The following ASRGL1 variants were observed in gnomAD, a reference collection of about 807,000 sequenced individuals.
ASRGL1 encodes asparaginase and isoaspartyl peptidase 1.
In ASRGL1, 16 loss-of-function variants were observed where a neutral mutation model predicts 22.4. That is an observed-to-expected ratio of 0.71 (90% confidence interval 0.48 to 1.08). The LOEUF (loss-of-function observed/expected upper bound fraction) is 1.08. ASRGL1 is among the 50% of genes least tolerant of loss of function. The probability of loss-of-function intolerance (pLI) is 0.00; values close to 1 mark genes in which losing one functional copy is unlikely to be tolerated. For synonymous variants in ASRGL1, 165 were observed against 159.3 expected (o/e 1.04, Z -0.27); for missense variants, 412 against 410.1 (o/e 1.00, Z -0.04).
intron 4 of ASRGL1, among the ~76,000 whole-genome samples, chr11:62,361,340 C>T (rs1201892766): frequency 1.3e-5 from 2 of 151,764 alleles, no homozygotes; most frequent in East Asian, 3.9e-4. Context: ...TACAGGCATG[C>T]ACCATGCCTG....
At chr11:62,387,713 GT>G (rs1269358155) in intron 4 of ASRGL1, among the ~76,000 whole-genome samples, 1 of 152,054 alleles carries the variant, frequency 6.6e-6, no homozygotes, top group African/African-American at 2.4e-5. Context: ...TGGGTTTTTT[GT>G]TTTTTTGTTT....
intron 4 of ASRGL1, among the ~76,000 whole-genome samples, chr11:62,380,071 A>G (rs1386471659): frequency 2.0e-5 from 3 of 152,226 alleles, no homozygotes; most frequent in East Asian, 3.9e-4. Context: ...CAATTATAAC[A>G]TTTTCCCCCA....
intron 4 of ASRGL1, among the ~76,000 whole-genome samples, chr11:62,377,841 G>A (rs1280785985): frequency 6.6e-6 from 1 of 152,214 alleles, no homozygotes; most frequent in Non-Finnish European, 1.5e-5. Flanking sequence ...TAATTGTACT[G>A]TGAGGAAGGA....
At position 62,360,501 on chromosome 11, in the gene ASRGL1, C is replaced by G. The variant is rs982203203; in HGVS notation, c.491+3357C>G. On this transcript the variant is annotated intron_variant, in intron 4 of 6. Coordinates refer to ENST00000415229, the MANE Select transcript of ASRGL1 (RefSeq NM_001083926.2). ...AAAGAATGCTATAAAGTGGAGCTCA[C>G]AAAAGAAAAAATGAAAAAGAAAGTA... is the stretch of plus-strand genomic sequence containing the variant. Among the ~76,000 whole-genome samples, 6 of 151,588 alleles carry G rather than the reference C, an allele frequency of 4.0e-5. No homozygotes were observed. In the East Asian group the frequency reaches 9.6e-4, roughly 24 times the overall value.
intron 2 of ASRGL1, among the ~76,000 whole-genome samples, chr11:62,338,627 T>G (rs1222078659): frequency 2.0e-5 from 3 of 152,208 alleles, no homozygotes; most frequent in Middle Eastern, 3.4e-3. Context: ...TAAGGACTTG[T>G]GGCTGCAGAT....
intron 4 of ASRGL1, chr11:62,373,112 T>C (rs1184475264): frequency 2.0e-6 from 3 of 1,466,144 alleles, no homozygotes; most frequent in Non-Finnish European, 1.9e-6. Context: ...TAGCAAGAGA[T>C]GAAAGTGAAA....
At chr11:62,394,857 C>G (rs1401939948), downstream of ASRGL1, among the ~76,000 whole-genome samples, 1 of 152,118 alleles carries the variant, frequency 6.6e-6, no homozygotes, top group African/African-American at 2.4e-5. Flanking sequence ...CTCCACCAGC[C>G]TGGGAGTTCT....
chr11:62,373,298 T>A, intron 4 of ASRGL1: 2 of 635,212 alleles, frequency 3.1e-6, no homozygotes, highest in Non-Finnish European at 5.6e-6. Flanking sequence ...GCATTTTTAT[T>A]TAGACTCCCT....
intron 4 of ASRGL1, among the ~76,000 whole-genome samples, chr11:62,358,091 G>T (rs906595589): frequency 6.6e-6 from 1 of 152,198 alleles, no homozygotes; most frequent in African/African-American, 2.4e-5. Context: ...GGCCTTGGCC[G>T]GGTGCGGTGG....
chr11:62,343,925 T>TC (rs1945941583), intron 2 of ASRGL1, among the ~76,000 whole-genome samples: 1 of 146,522 alleles, frequency 6.8e-6, no homozygotes, highest in African/African-American at 2.5e-5. Flanking sequence ...TTTCTTTTTT[T>TC]TTTTTTTTTT....
At chr11:62,350,936 T>G (rs1946153912) in intron 2 of ASRGL1, among the ~76,000 whole-genome samples, 1 of 152,244 alleles carries the variant, frequency 6.6e-6, no homozygotes, top group Non-Finnish European at 1.5e-5. Context: ...TTGTTATTTT[T>G]GCTTTCTTTT....
Position 62,365,026 on chromosome 11 carries a change from G to A in ASRGL1, c.491+7882G>A, listed in dbSNP as rs1470927566. 4.7e-5 allele frequency among the ~76,000 whole-genome samples: 7 copies of A among 150,402 alleles called. 1 individual carries two copies. Among genetic ancestry groups the A allele is most frequent in the Admixed American group, 3.3e-4 (5 of 15,054 alleles). On this transcript the variant is annotated intron_variant, in intron 4 of 6. Coordinates refer to ENST00000415229, the MANE Select transcript of ASRGL1 (RefSeq NM_001083926.2). ...AGAGGTTGCAGTGAGCCGAGACCAC[G>A]CTGTTGCACTGCAGCCTGGGTGACA...
downstream of ASRGL1, among the ~76,000 whole-genome samples, chr11:62,398,110 C>T (rs1947452243): frequency 1.3e-5 from 2 of 152,104 alleles, no homozygotes; most frequent in South Asian, 4.2e-4. Context: ...ACCCTGCCAC[C>T]GCAGGAGCCA....
chr11:62,361,884 C>A (rs185863704), intron 4 of ASRGL1, among the ~76,000 whole-genome samples: 112 of 152,196 alleles, frequency 7.4e-4, no homozygotes, highest in East Asian at 7.0e-3. Context: ...AAAAACAAGC[C>A]TAAATCATTC....
chr11:62,391,853 G>A, intron 6 of ASRGL1: 2 of 736,262 alleles, frequency 2.7e-6, no homozygotes, highest in Non-Finnish European at 2.2e-6. Context: ...GAAGGGGGCA[G>A]TAGAGAGACA....
intron 2 of ASRGL1, among the ~76,000 whole-genome samples, chr11:62,341,397 A>G (rs777831962): frequency 5.9e-5 from 9 of 151,940 alleles, no homozygotes; most frequent in South Asian, 2.1e-4. Context: ...ACGGGGTTTC[A>G]CTGTGTTAGC....
chr11:62,363,442 A>G (rs951281296), intron 4 of ASRGL1, among the ~76,000 whole-genome samples: 1 of 152,212 alleles, frequency 6.6e-6, no homozygotes, highest in Non-Finnish European at 1.5e-5. Context: ...GCATAGTATC[A>G]TCTGAAGAGA....
chr11:62,379,025 T>C (rs1946999251), intron 4 of ASRGL1, among the ~76,000 whole-genome samples: 1 of 152,180 alleles, frequency 6.6e-6, no homozygotes, highest in South Asian at 2.1e-4. Context: ...TGAGGCTGTA[T>C]AATGGAGCAG....
intron 5 of ASRGL1, among the ~76,000 whole-genome samples, chr11:62,391,210 C>G (rs1458087019): frequency 6.6e-6 from 1 of 152,154 alleles, no homozygotes; most frequent in Non-Finnish European, 1.5e-5. Context: ...GAGGAGGAGA[C>G]AGGGAGAGGG....
Sources: allele counts gnomAD v4.1 joint callset (sites outside exome capture counted in the v4.1 genomes callset), GRCh38; gene constraint gnomAD v4.1.1; transcripts MANE v1.5; gene names NCBI Gene and HGNC (gene_info 2026-07-23, HGNC 2026-07-21).